OPCML: variants seen among roughly 807,000 people sequenced by gnomAD.
OPCML encodes the protein opioid-binding protein/cell adhesion molecule.
In OPCML, 13 loss-of-function variants were observed where a neutral mutation model predicts 37.8. The observed-to-expected ratio is 0.34, with a 90% CI of 0.22 to 0.55. The LOEUF is 0.55. Ranked by LOEUF, OPCML falls within the 20% of genes least tolerant of loss-of-function variation. The probability of loss-of-function intolerance (pLI) is 0.91; values close to 1 mark genes in which losing one functional copy is unlikely to be tolerated. For missense variants in OPCML, 341 were observed against 435.6 expected (o/e 0.78, Z 1.93); for synonymous variants, 176 against 168.8 (o/e 1.04, Z -0.33).
intron 3 of OPCML, among the ~76,000 whole-genome samples, chr11:132,607,724 C>G (rs1417784764): frequency 6.6e-6 from 1 of 152,166 alleles, no homozygotes; most frequent in Non-Finnish European, 1.5e-5. Context: ...CTAAGTTTCA[C>G]TTTCCTTTTA....
intron 1 of OPCML, among the ~76,000 whole-genome samples, chr11:133,021,769 C>T (rs1055090104): frequency 5.6e-5 from 1 of 17,894 alleles, no homozygotes; most frequent in African/African-American, 8.4e-4. Context: ...CTGAGCTGGT[C>T]GAAAATAATC....
chr11:133,507,208 G>C (rs1948052794), intron 1 of OPCML, among the ~76,000 whole-genome samples: 1 of 152,202 alleles, frequency 6.6e-6, no homozygotes, highest in African/African-American at 2.4e-5. Context: ...CCCCAGCAAA[G>C]CCTGATACTG....
chr11:132,799,259 C>A (rs186907942), intron 2 of OPCML, among the ~76,000 whole-genome samples: 1 of 152,300 alleles, frequency 6.6e-6, no homozygotes, highest in East Asian at 1.9e-4. Flanking sequence ...GTGATCTTAG[C>A]TAGATCTCTG....
chr11:132,440,589 C>T (rs1416447306), intron 4 of OPCML, among the ~76,000 whole-genome samples: 1 of 152,168 alleles, frequency 6.6e-6, no homozygotes, highest in Non-Finnish European at 1.5e-5. Flanking sequence ...TGGAGCCTGC[C>T]CCTCCAAGGA....
chr11:132,798,222 C>T (rs1338654697), intron 2 of OPCML, among the ~76,000 whole-genome samples: 1 of 152,050 alleles, frequency 6.6e-6, no homozygotes, highest in East Asian at 1.9e-4. Context: ...AGGCATGCAC[C>T]ACCATAGCTG....
chr11:132,691,138 G>A (rs565696098), intron 2 of OPCML, among the ~76,000 whole-genome samples: 5 of 152,236 alleles, frequency 3.3e-5, no homozygotes, highest in Admixed American at 6.5e-5. Context: ...ATAAGGAAAC[G>A]GAGCCACAGA....
chr11:133,242,285 T>C (rs987412996), intron 1 of OPCML, among the ~76,000 whole-genome samples: 11 of 152,182 alleles, frequency 7.2e-5, no homozygotes, highest in African/African-American at 2.7e-4. Context: ...AGTGATATTC[T>C]AAAGATGAAA....
At chr11:133,323,617 G>A (rs1306561349) in intron 1 of OPCML, among the ~76,000 whole-genome samples, 1 of 152,186 alleles carries the variant, frequency 6.6e-6, no homozygotes, top group Non-Finnish European at 1.5e-5. Flanking sequence ...GCAACTGACA[G>A]AACTGACCCA....
intron 3 of OPCML, among the ~76,000 whole-genome samples, chr11:132,542,908 C>G (rs1214524784): frequency 6.6e-6 from 1 of 152,172 alleles, no homozygotes; most frequent in Non-Finnish European, 1.5e-5. Flanking sequence ...CCCCTGCACC[C>G]AAGTTGTGGT....
intron 1 of OPCML, among the ~76,000 whole-genome samples, chr11:133,509,718 G>C (rs1948112551): frequency 6.6e-6 from 1 of 152,208 alleles, no homozygotes; most frequent in Non-Finnish European, 1.5e-5. Flanking sequence ...CGGGTTGTTA[G>C]AAGGCATTGG....
At chr11:132,537,307 A>G (rs1381067386) in intron 3 of OPCML, among the ~76,000 whole-genome samples, 1 of 152,244 alleles carries the variant, frequency 6.6e-6, no homozygotes, top group East Asian at 1.9e-4. Flanking sequence ...TTCATTTCCA[A>G]CAAGGTGCCA....
chr11:133,138,628 C>T (rs1949726548), intron 1 of OPCML, among the ~76,000 whole-genome samples: 1 of 152,202 alleles, frequency 6.6e-6, no homozygotes, highest in South Asian at 2.1e-4. Flanking sequence ...CCATTATCCT[C>T]TTGGACTACC....
chr11:132,656,005 G>C (rs1941687797), intron 3 of OPCML, among the ~76,000 whole-genome samples: 1 of 151,500 alleles, frequency 6.6e-6, no homozygotes, highest in Non-Finnish European at 1.5e-5. Context: ...AGATGCTAAA[G>C]ACTAAATCAC....
chr11:133,001,919 G>T (rs1387511248), intron 1 of OPCML, among the ~76,000 whole-genome samples: 1 of 152,184 alleles, frequency 6.6e-6, no homozygotes, highest in Non-Finnish European at 1.5e-5. Context: ...AGCAGCTATT[G>T]CCATAAGTGC....
chr11:132,674,137 T>C (rs1300389423), intron 2 of OPCML, among the ~76,000 whole-genome samples: 1 of 152,194 alleles, frequency 6.6e-6, no homozygotes, highest in Non-Finnish European at 1.5e-5. Context: ...AGGTGGCTAA[T>C]TAAGAACAAA....
chr11:132,606,675 C>G (rs1000997147), intron 3 of OPCML, among the ~76,000 whole-genome samples: 2 of 37,204 alleles, frequency 5.4e-5, no homozygotes, highest in Non-Finnish European at 1.4e-4. Flanking sequence ...GCCAATGGGA[C>G]CGTGACTGCC....
intron 1 of OPCML, among the ~76,000 whole-genome samples, chr11:133,328,342 G>C (rs922602654): frequency 6.6e-6 from 1 of 152,038 alleles, no homozygotes; most frequent in Non-Finnish European, 1.5e-5. Flanking sequence ...ATTTTTAGTA[G>C]AGATGGGGTT....
At chr11:133,140,580 G>GAAGAAGA (rs1949763645) in intron 1 of OPCML, among the ~76,000 whole-genome samples, 4 of 116,018 alleles carry the variant, frequency 3.4e-5, no homozygotes, top group Non-Finnish European at 7.6e-5. Context: ...GAAGAAGAAA[G>GAAGAAGA]AAGAAAAAAG....
intron 1 of OPCML, among the ~76,000 whole-genome samples, chr11:133,073,677 G>A (rs1948579401): frequency 6.6e-6 from 1 of 152,206 alleles, no homozygotes; most frequent in African/African-American, 2.4e-5. Flanking sequence ...GGTAGCAAAT[G>A]CGAAGTCACC....
Sources: allele counts gnomAD v4.1 joint callset (sites outside exome capture counted in the v4.1 genomes callset), GRCh38; gene constraint gnomAD v4.1.1; transcripts MANE v1.5; gene names NCBI Gene and HGNC (gene_info 2026-07-23, HGNC 2026-07-21).